SPEF2: variants seen among roughly 807,000 people sequenced by gnomAD.
SPEF2 encodes sperm flagellar and cilia associated 2.
A neutral mutation model predicts 224.6 loss-of-function variants in SPEF2; 187 were observed. The ratio of observed to expected loss-of-function variants is 0.83; its 90% CI spans 0.74 to 0.94. SPEF2 has a LOEUF of 0.94. Among genes scored for constraint, SPEF2 ranks in the 40% least tolerant of loss-of-function variants. The pLI, the probability that SPEF2 is intolerant of heterozygous loss-of-function variation, is 0.00. For missense variants in SPEF2, 2,170 were observed against 2,135.6 expected (o/e 1.02, Z -0.32); for synonymous variants, 715 against 707.3 (o/e 1.01, Z -0.17).
chr5:35,644,641 G>A (rs1015247744), intron 4 of SPEF2, 116 bp downstream of exon 4: 2 of 729,840 alleles, frequency 2.7e-6, no homozygotes, highest in Non-Finnish European at 4.1e-6. Context: ...CTTCCCTGAT[G>A]CATGACTTTG....
rs767062571 is a variant in SPEF2, at chr5:35,771,741, G to C, written c.3934G>C (p.Asp1312His). ...GGAGCCACCCAAGAAAAAACAGGAA[G>C]ACAAAAAACCCAAAGGTATTTATGG... ...KKEPPKKKQE[D>H]KKPKGKSPPM... The change falls in exon 27 of 37, where the codon GAC becomes CAC. Residue 1312 changes from aspartate (D) to histidine (H), a missense_variant. Coordinates refer to ENST00000356031, the MANE Select transcript of SPEF2 (RefSeq NM_024867.4). 1.3e-6 allele frequency: 2 copies of C among 1,589,652 alleles called. No individual in the cohort carries two copies. Among genetic ancestry groups the C allele is most frequent in the East Asian group, 2.2e-5 (1 of 44,772 alleles).
In SPEF2 at chr5:35,779,345, A is replaced by C. The variant is rs2277044; in HGVS notation, c.4446A>C (p.Lys1482Asn). ...ATCAGTTCTTAGATATGGCACCTAAAGGTAGGAAAAATAATTATCATGAAA... is the reference window on the plus strand; with the variant it reads ...ATCAGTTCTTAGATATGGCACCTAACGGTAGGAAAAATAATTATCATGAAA... ...LRDQFLDMAP[K>N]GIIGNKAFTD... Residue 1482 changes from lysine (K) to asparagine (N), a missense_variant and splice_region_variant, in exon 30 of 37, where the codon AAA becomes AAC. Transcript: ENST00000356031. 0.017 allele frequency: 26,817 copies of C among 1,589,582 alleles called. 1,673 individuals are homozygous for C. Among genetic ancestry groups the C allele is most frequent in the African/African-American group, 0.16 (11,694 of 73,626 alleles).
At chr5:35,634,234 G>A (rs747151381) in intron 2 of SPEF2, among the ~76,000 whole-genome samples, 2 of 151,874 alleles carry the variant, frequency 1.3e-5, no homozygotes, top group Non-Finnish European at 2.9e-5. Context: ...CTTAGTTTTT[G>A]TTTATCCTTC....
chr5:35,690,009 A>T (rs1347717353), intron 10 of SPEF2, among the ~76,000 whole-genome samples: 1 of 152,054 alleles, frequency 6.6e-6, no homozygotes, highest in Non-Finnish European at 1.5e-5. Context: ...TATTTTTACA[A>T]GTTTCTTCTT....
intron 20 of SPEF2, among the ~76,000 whole-genome samples, chr5:35,721,710 T>G (rs913469613): frequency 4.7e-5 from 7 of 147,750 alleles, no homozygotes; most frequent in African/African-American, 1.7e-4. Flanking sequence ...TAGTTAGAGA[T>G]CTTTTCACAG....
At chr5:35,677,884 T>C (rs1408007989) in intron 10 of SPEF2, among the ~76,000 whole-genome samples, 1 of 152,216 alleles carries the variant, frequency 6.6e-6, no homozygotes, top group Non-Finnish European at 1.5e-5. Context: ...CTGCCTGATA[T>C]ATTAGTAATT....
chr5:35,630,485 A>G (rs1744925731), intron 2 of SPEF2, among the ~76,000 whole-genome samples: 1 of 152,180 alleles, frequency 6.6e-6, no homozygotes, highest in Admixed American at 6.5e-5. Flanking sequence ...TCACAAGGTC[A>G]GGAGATCGAA....
At chr5:35,705,913 T>C in intron 18 of SPEF2, 105 bp downstream of exon 18, 1 of 713,872 alleles carries the variant, frequency 1.4e-6, no homozygotes, top group Non-Finnish European at 2.1e-6. Flanking sequence ...TTTCTTATCT[T>C]TGGATTTATA....
At chr5:35,704,701 C>A in intron 17 of SPEF2, 39 bp downstream of exon 17, 1 of 1,179,790 alleles carries the variant, frequency 8.5e-7, no homozygotes, top group Non-Finnish European at 1.3e-6. Flanking sequence ...TTGTTTCATG[C>A]TTTTTAAATA....
At position 35,670,461 on chromosome 5, in the gene SPEF2, C is replaced by T. The variant is rs978406644; in HGVS notation, c.1524+234C>T. On this transcript the variant is annotated intron_variant, in intron 10 of 36. Coordinates refer to ENST00000356031, the MANE Select transcript of SPEF2 (RefSeq NM_024867.4). ...GGGAGTGGTCTGAAAAAACATCAAG[C>T]ATAGTAATTGTCTGGGTAGACAGAT... 3 of 1,162,196 alleles carry T rather than the reference C, an allele frequency of 2.6e-6. No homozygotes were observed. In the African/African-American group the frequency reaches 4.8e-5, roughly 19 times the overall value. The allele number at this position is 1,162,196 out of a possible 1,614,324, so 72.0% of individuals were successfully genotyped here. A position where few individuals can be genotyped will look rare whatever the true frequency, so the allele number is the denominator to read the frequency against.
chr5:35,738,146 T>A (rs886710653), intron 21 of SPEF2, among the ~76,000 whole-genome samples: 22 of 152,170 alleles, frequency 1.4e-4, no homozygotes, highest in Admixed American at 9.2e-4. Context: ...TGCAAAAATT[T>A]TCTCCCCTTC....
chr5:35,628,566 A>G lies in SPEF2; in HGVS notation c.161+4A>G. ...TTTCAGAATTTTTGGACAGCAGGTT[A>G]GTGAGATTATTCCTTTTTGTTGTTG... On this transcript the variant is annotated splice_donor_region_variant and intron_variant, in intron 2 of 36. Coordinates refer to ENST00000356031, the MANE Select transcript of SPEF2 (RefSeq NM_024867.4). The G allele has an allele frequency of 6.3e-7, 1 of 1,585,146 alleles. No individual in the cohort carries two copies. The highest frequency in any genetic ancestry group is 8.7e-7 in the Non-Finnish European group (1 of 1,154,260).
chr5:35,629,675 T>C (rs925221040), intron 2 of SPEF2, among the ~76,000 whole-genome samples: 5 of 152,174 alleles, frequency 3.3e-5, no homozygotes, highest in Non-Finnish European at 7.3e-5. Context: ...TATTCACATA[T>C]TTAGTATCTT....
intron 10 of SPEF2, among the ~76,000 whole-genome samples, chr5:35,683,582 G>A (rs1217436402): frequency 1.3e-5 from 2 of 152,306 alleles, no homozygotes; most frequent in Admixed American, 1.3e-4. Flanking sequence ...CCAAGATCGC[G>A]CTACTGCACT....
At chr5:35,637,983 A>G (rs544881299) in intron 2 of SPEF2, among the ~76,000 whole-genome samples, 2 of 152,240 alleles carry the variant, frequency 1.3e-5, no homozygotes, top group East Asian at 1.9e-4. Context: ...GTTGCTGTCT[A>G]TCCCTTTATG....
chr5:35,686,924 G>A (rs1448446349), intron 10 of SPEF2, among the ~76,000 whole-genome samples: 1 of 151,928 alleles, frequency 6.6e-6, no homozygotes, highest in Admixed American at 6.6e-5. Flanking sequence ...TTTTTGAAGT[G>A]TGTGAGTGAA....
chr5:35,771,779 G>A, intron 27 of SPEF2, 23 bp downstream of exon 27: 2 of 1,574,978 alleles, frequency 1.3e-6, no homozygotes, highest in Non-Finnish European at 1.7e-6. Flanking sequence ...TTAGCACTCA[G>A]AACCCTGGAT....
intron 36 of SPEF2, 132 bp downstream of exon 36, chr5:35,807,385 G>T: frequency 8.2e-6 from 11 of 1,339,136 alleles, no homozygotes; most frequent in Non-Finnish European, 1.0e-5. Flanking sequence ...ATCTGGAGAA[G>T]CTAAGCTGGT....
chr5:35,685,688 G>C (rs1438771392), intron 10 of SPEF2, among the ~76,000 whole-genome samples: 1 of 151,908 alleles, frequency 6.6e-6, no homozygotes, highest in Non-Finnish European at 1.5e-5. Flanking sequence ...CTTAATGATA[G>C]TGTAGTAATA....
Sources: allele counts gnomAD v4.1 joint callset (sites outside exome capture counted in the v4.1 genomes callset), GRCh38; gene constraint gnomAD v4.1.1; transcripts MANE v1.5; gene names NCBI Gene and HGNC (gene_info 2026-07-23, HGNC 2026-07-21).